Variants in SPINK8 observed in about 807,000 individuals in gnomAD.
SPINK8 encodes the protein serine peptidase inhibitor Kazal type 8 (putative).
Under a neutral mutation model 14.4 loss-of-function variants are expected in SPINK8, and 12 were observed. The ratio of observed to expected loss-of-function variants is 0.83; its 90% CI spans 0.53 to 1.35. The LOEUF is 1.35. SPINK8 is among the 40% of genes most tolerant of loss of function. The probability of loss-of-function intolerance (pLI) is 0.00; values close to 1 mark genes in which losing one functional copy is unlikely to be tolerated. For missense variants in SPINK8, 103 were observed against 117.0 expected (o/e 0.88, Z 0.55); for synonymous variants, 32 against 37.6 (o/e 0.85, Z 0.55).
intron 6 of SPINK8, among the ~76,000 whole-genome samples, chr3:48,314,623 C>CATTTGCAAAGCTTTT (rs2035962731): frequency 6.6e-6 from 1 of 152,102 alleles, no homozygotes; most frequent in Non-Finnish European, 1.5e-5. Flanking sequence ...CTGAAAGACC[C>CATTTGCAAAGCTTTT]ATTTGCAAAG....
intron 4 of SPINK8, among the ~76,000 whole-genome samples, chr3:48,326,174 A>G (rs2036138669): frequency 6.6e-6 from 1 of 152,126 alleles, no homozygotes; most frequent in South Asian, 2.1e-4. Flanking sequence ...AAGCTTAGGG[A>G]GAGAAGAAAA....
At chr3:48,325,915 C>CTT (rs71074233) in intron 4 of SPINK8, among the ~76,000 whole-genome samples, 1,628 of 141,726 alleles carry the variant, frequency 0.011, 31 homozygotes, top group African/African-American at 0.039. Context: ...CTTTTCTTTT[C>CTT]TTTTTTTTTT....
At chr3:48,323,389 A>G (rs1380325736) in intron 4 of SPINK8, among the ~76,000 whole-genome samples, 1 of 151,676 alleles carries the variant, frequency 6.6e-6, no homozygotes, top group Non-Finnish European at 1.5e-5. Flanking sequence ...ATGAGCCACC[A>G]CTCCTGGCCA....
At chr3:48,329,535 C>T (rs1222481905) in intron 2 of SPINK8, among the ~76,000 whole-genome samples, 3 of 152,196 alleles carry the variant, frequency 2.0e-5, no homozygotes, top group African/African-American at 7.2e-5. Flanking sequence ...TTCAAGACGG[C>T]TTCAGATATT....
At chr3:48,333,416 C>T (rs956845084) in intron 1 of SPINK8, among the ~76,000 whole-genome samples, 119 bp downstream of exon 1, 4 of 152,108 alleles carry the variant, frequency 2.6e-5, no homozygotes, top group African/African-American at 9.7e-5. Context: ...ATGCCAGCAC[C>T]CCTAGTCATT....
chr3:48,329,058 C>T (rs990212489), intron 3 of SPINK8, among the ~76,000 whole-genome samples, 95 bp downstream of exon 3: 3 of 152,112 alleles, frequency 2.0e-5, no homozygotes, highest in Admixed American at 6.5e-5. Context: ...CATTCTATAT[C>T]GAGGTAATTT....
At chr3:48,326,211 G>A (rs1277346391) in intron 4 of SPINK8, among the ~76,000 whole-genome samples, 1 of 152,190 alleles carries the variant, frequency 6.6e-6, no homozygotes, top group African/African-American at 2.4e-5. Flanking sequence ...TCTGTCCAGA[G>A]TAGATCTTCC....
At chr3:48,309,058 C>A (rs894211428) in intron 7 of SPINK8, among the ~76,000 whole-genome samples, 1 of 152,194 alleles carries the variant, frequency 6.6e-6, no homozygotes, top group Non-Finnish European at 1.5e-5. Flanking sequence ...AATTGACCGT[C>A]CCTAAGTGAG....
In SPINK8 at chr3:48,314,634, CT is replaced by C. The variant is rs369911467; in HGVS notation, c.240-4689del. Reference sequence around the variant, plus strand: ...TTCTCTGAAAGACCCATTTGCAAAGCTTTTATTTGACCATACTCAAACCTCT... The same window carrying C: ...TTCTCTGAAAGACCCATTTGCAAAGCTTTATTTGACCATACTCAAACCTCT... On this transcript the variant is annotated intron_variant, in intron 6 of 7. Coordinates refer to ENST00000434006, the MANE Select transcript of SPINK8 (RefSeq NM_001080525.3). Among the ~76,000 whole-genome samples, 699 of 152,254 alleles carry C rather than the reference CT, an allele frequency of 4.6e-3. 3 individuals are homozygous for C. The highest frequency in any genetic ancestry group is 0.016 in the African/African-American group (654 of 41,552).
At chr3:48,319,936 G>C (rs1259252561) in intron 5 of SPINK8, among the ~76,000 whole-genome samples, 1 of 151,932 alleles carries the variant, frequency 6.6e-6, no homozygotes, top group African/African-American at 2.4e-5. Context: ...GAGGTCAGGA[G>C]ATCGAGACCA....
chr3:48,328,503 A>C (rs984380187), intron 3 of SPINK8, among the ~76,000 whole-genome samples, 149 bp from the exon 4 acceptor site: 6 of 152,232 alleles, frequency 3.9e-5, no homozygotes, highest in African/African-American at 1.4e-4. Flanking sequence ...ATGCAACTCA[A>C]TTGTTTAATT....
At chr3:48,312,712 A>C (rs1181808355) in intron 6 of SPINK8, among the ~76,000 whole-genome samples, 1 of 151,914 alleles carries the variant, frequency 6.6e-6, no homozygotes, top group African/African-American at 2.4e-5. Flanking sequence ...AAAATGGATC[A>C]ATGGGGCCGG....
At position 48,319,685 on chromosome 3, in the gene SPINK8, T is replaced by C. The variant is rs1212668870; in HGVS notation, c.118-67A>G. 4.1e-5 allele frequency: 66 copies of C among 1,599,722 alleles called. 1 individual carries two copies. The highest frequency in any genetic ancestry group is 5.3e-5 in the Non-Finnish European group (62 of 1,172,274). On this transcript the variant is annotated intron_variant, in intron 5 of 7. Coordinates refer to ENST00000434006, the MANE Select transcript of SPINK8 (RefSeq NM_001080525.3). ...CAGGTCCTTTGGCCGTTATTATGTATAGCTTGGGAGGTGGATGGAATACGA... is the reference window on the plus strand; with the variant it reads ...CAGGTCCTTTGGCCGTTATTATGTACAGCTTGGGAGGTGGATGGAATACGA...
rs1349215320 is a variant in SPINK8, at chr3:48,307,061, AC to A, written c.283-59del. ...ATTTGAGGAAGTTAAGAGAAAAGCC[AC>A]CACACTGGTAAACACAACCATAGTT... On this transcript the variant is annotated intron_variant, in intron 7 of 7. Coordinates refer to ENST00000434006, the MANE Select transcript of SPINK8 (RefSeq NM_001080525.3). 16 of 1,536,288 alleles carry A rather than the reference AC, an allele frequency of 1.0e-5. No homozygotes were observed. The Admixed American group carries it at 1.1e-4, about 10-fold the overall frequency.
chr3:48,324,051 G>A (rs2036109465), intron 4 of SPINK8, among the ~76,000 whole-genome samples: 1 of 150,832 alleles, frequency 6.6e-6, no homozygotes, highest in Admixed American at 6.6e-5. Context: ...GATAGGATTT[G>A]CATGGAATCT....
At chr3:48,331,620 T>C (rs1254889223) in intron 2 of SPINK8, among the ~76,000 whole-genome samples, 1 of 152,268 alleles carries the variant, frequency 6.6e-6, no homozygotes, top group Non-Finnish European at 1.5e-5. Flanking sequence ...TTACCTTTTT[T>C]TCTTCTCCTA....
chr3:48,318,356 G>A (rs1447835739), intron 6 of SPINK8, among the ~76,000 whole-genome samples: 1 of 152,156 alleles, frequency 6.6e-6, no homozygotes, highest in Admixed American at 6.5e-5. Flanking sequence ...GGCCAGGCTG[G>A]TCTCGAACTC....
Position 48,309,953 on chromosome 3 carries a change from G to A in SPINK8, c.240-7C>T. ...TATGTTAAGCCCTTCAAATCTGAAA[G>A]AAATTATATTTTAAAATTATTTTTG... On this transcript the variant is annotated splice_region_variant and splice_polypyrimidine_tract_variant and intron_variant, in intron 6 of 7. Transcript: ENST00000434006. The A allele has an allele frequency of 2.1e-6, 3 of 1,413,366 alleles. No individual in the cohort carries two copies. The highest frequency in any genetic ancestry group is 1.8e-6 in the Non-Finnish European group (2 of 1,083,234). 87.6% of individuals were successfully genotyped at this position (1,413,366 alleles called of 1,614,324 possible).
intron 4 of SPINK8, among the ~76,000 whole-genome samples, chr3:48,323,254 C>T (rs560910858): frequency 3.3e-5 from 5 of 152,034 alleles, no homozygotes; most frequent in African/African-American, 9.7e-5. Context: ...AAGCAATTTT[C>T]GTGACTCAGC....
Sources: gnomAD v4.1 joint callset for allele counts (sites outside exome capture counted in the v4.1 genomes callset) on GRCh38, gnomAD v4.1.1 for gene constraint, MANE v1.5 for transcripts, NCBI Gene and HGNC (gene_info 2026-07-23, HGNC 2026-07-21) for gene names.